Variants in LSAMP observed in about 807,000 individuals in gnomAD.
LSAMP encodes the protein limbic system-associated membrane protein.
Under a neutral mutation model 38.6 loss-of-function variants are expected in LSAMP, and 7 were observed. The ratio of observed to expected loss-of-function variants is 0.18; its 90% CI spans 0.10 to 0.34. LSAMP has a LOEUF of 0.34. Ranked by LOEUF, LSAMP falls within the 10% of genes least tolerant of loss-of-function variation. The probability of loss-of-function intolerance (pLI) is 1.00; values close to 1 mark genes in which losing one functional copy is unlikely to be tolerated. For missense variants in LSAMP, 313 were observed against 420.0 expected, an observed-to-expected ratio of 0.75 and a Z score of 2.23; for synonymous variants, 154 against 166.8, an observed-to-expected ratio of 0.92 and a Z score of 0.59.
At chr3:116,054,257 T>G (rs1941449385) in intron 2 of LSAMP, among the ~76,000 whole-genome samples, 1 of 152,218 alleles carries the variant, frequency 6.6e-6, no homozygotes, top group African/African-American at 2.4e-5. Flanking sequence ...CTGATTCTTT[T>G]AAGGATCCTT....
chr3:115,835,545 T>G (rs769855758), intron 6 of LSAMP, among the ~76,000 whole-genome samples: 1 of 152,152 alleles, frequency 6.6e-6, no homozygotes, highest in Non-Finnish European at 1.5e-5. Context: ...TAGCACACAC[T>G]TTTCTATGTT....
At position 115,809,997 on chromosome 3, in the gene LSAMP, T is replaced by G. The variant is rs1186436271; in HGVS notation, c.*320A>C. The G allele has an allele frequency of 1.9e-5, 4 of 208,494 alleles. No homozygotes were observed. Among genetic ancestry groups the G allele is most frequent in the Non-Finnish European group, 3.8e-5 (4 of 106,090 alleles). The allele number at this position is 208,494 out of a possible 1,614,324, so 12.9% of individuals were successfully genotyped here. A position where few individuals can be genotyped will look rare whatever the true frequency, so the allele number is the denominator to read the frequency against. On this transcript the variant is annotated 3_prime_UTR_variant, in exon 7 of 7. Coordinates refer to ENST00000490035, the MANE Select transcript of LSAMP (RefSeq NM_002338.5). ...AATATCCATCTGGTTCTTCTCTTAT[T>G]TTTACAGCATCCAGATGTCCTTAGT...
intron 2 of LSAMP, among the ~76,000 whole-genome samples, chr3:116,038,004 G>A (rs12493811): frequency 6.6e-6 from 1 of 152,040 alleles, no homozygotes; most frequent in Admixed American, 6.6e-5. Flanking sequence ...TAGAATAAAA[G>A]ATATGAGTGT....
intron 1 of LSAMP, among the ~76,000 whole-genome samples, chr3:116,409,845 A>G (rs1021578780): frequency 1.3e-5 from 2 of 152,112 alleles, no homozygotes; most frequent in East Asian, 1.9e-4. Flanking sequence ...GAATTGAAGA[A>G]GAAAGATGCT....
intron 1 of LSAMP, among the ~76,000 whole-genome samples, chr3:116,177,684 A>AG (rs1254563864): frequency 2.0e-5 from 3 of 152,204 alleles, no homozygotes; most frequent in Non-Finnish European, 2.9e-5. Context: ...TAGTTTCATG[A>AG]GAAAAAAAGT....
At chr3:116,182,707 G>GT (rs544248605) in intron 1 of LSAMP, among the ~76,000 whole-genome samples, 2 of 151,870 alleles carry the variant, frequency 1.3e-5, no homozygotes, top group African/African-American at 2.4e-5. Context: ...TTGCTTGCTT[G>GT]TTTTTTTGGT....
intron 3 of LSAMP, among the ~76,000 whole-genome samples, chr3:116,016,419 C>T (rs1365158718): frequency 2.0e-5 from 3 of 152,122 alleles, no homozygotes; most frequent in Non-Finnish European, 4.4e-5. Flanking sequence ...AGAATCTGAC[C>T]TACAAAGTGG....
intron 1 of LSAMP, among the ~76,000 whole-genome samples, chr3:116,169,314 A>G (rs545604638): frequency 5.9e-5 from 9 of 152,330 alleles, no homozygotes; most frequent in South Asian, 2.1e-4. Flanking sequence ...CTTTTCTCCC[A>G]AAATGGCTGT....
chr3:116,290,267 A>G (rs1293428490), intron 1 of LSAMP, among the ~76,000 whole-genome samples: 1 of 152,174 alleles, frequency 6.6e-6, no homozygotes, highest in Non-Finnish European at 1.5e-5. Flanking sequence ...GTTTCTTTCA[A>G]TGTCATGTCC....
At chr3:116,183,265 T>G (rs920225169) in intron 1 of LSAMP, among the ~76,000 whole-genome samples, 2 of 151,886 alleles carry the variant, frequency 1.3e-5, no homozygotes, top group African/African-American at 4.8e-5. Flanking sequence ...AGCATGGCTA[T>G]GCACACTTTT....
At chr3:115,859,615 T>C (rs1416421910) in intron 3 of LSAMP, among the ~76,000 whole-genome samples, 4 of 152,186 alleles carry the variant, frequency 2.6e-5, no homozygotes, top group Non-Finnish European at 4.4e-5. Flanking sequence ...ATGTAGTTAG[T>C]ACCCAGAAAC....
intron 1 of LSAMP, among the ~76,000 whole-genome samples, chr3:116,341,133 A>T (rs1378815922): frequency 2.6e-5 from 4 of 152,046 alleles, no homozygotes; most frequent in African/African-American, 9.7e-5. Context: ...TAATGCATAG[A>T]TAAAATGGAG....
rs1322422493 is a variant in LSAMP at position 116,445,268 on chromosome 3, A to G, written c.-237T>C. The G allele has an allele frequency of 8.5e-6, 5 of 589,102 alleles. No individual in the cohort carries two copies. The highest frequency in any genetic ancestry group is 6.2e-5 in the Admixed American group (2 of 32,312). The allele number at this position is 589,102 out of a possible 1,614,324, so 36.5% of individuals were successfully genotyped here. ...AAGGGTGAAAAGTAAAAGCAACACA[A>G]TTTCAAAAGAGAGAGTGCAAATAGC... On this transcript the variant is annotated 5_prime_UTR_variant, in exon 1 of 7. Coordinates refer to ENST00000490035, the MANE Select transcript of LSAMP (RefSeq NM_002338.5).
At chr3:116,277,162 A>G (rs193139432) in intron 1 of LSAMP, among the ~76,000 whole-genome samples, 2 of 152,336 alleles carry the variant, frequency 1.3e-5, no homozygotes, top group East Asian at 3.9e-4. Flanking sequence ...CTCTGTAAAA[A>G]TAAATTAATT....
chr3:115,924,573 C>T (rs1300000404), intron 3 of LSAMP, among the ~76,000 whole-genome samples: 2 of 152,098 alleles, frequency 1.3e-5, no homozygotes, highest in South Asian at 2.1e-4. Flanking sequence ...AAGACATTGC[C>T]TCATTATATG....
intron 6 of LSAMP, among the ~76,000 whole-genome samples, chr3:115,837,602 G>A (rs1324933873): frequency 6.6e-6 from 1 of 152,086 alleles, no homozygotes; most frequent in Admixed American, 6.5e-5. Context: ...CAGTGCCCTT[G>A]GGTGGGAAGG....
At chr3:116,416,554 C>T (rs560069038) in intron 1 of LSAMP, among the ~76,000 whole-genome samples, 1 of 152,186 alleles carries the variant, frequency 6.6e-6, no homozygotes. Flanking sequence ...AGGTGACAAA[C>T]TACCTCAAAA....
At chr3:116,134,492 T>G (rs1294841972) in intron 1 of LSAMP, among the ~76,000 whole-genome samples, 1 of 152,232 alleles carries the variant, frequency 6.6e-6, no homozygotes. Flanking sequence ...TACATGACCT[T>G]GCCTTTAAGT....
At position 116,209,251 on chromosome 3, in the gene LSAMP, C is replaced by A. The variant is rs13079362; in HGVS notation, c.156-122695G>T. On this transcript the variant is annotated intron_variant, in intron 1 of 6. Transcript: ENST00000490035. ...CCAAGTGAGGCAATGCCTCGCCCTGCTTTGGCTCGCGCACGGTGCGCGCAC... is the reference window on the plus strand; with the variant it reads ...CCAAGTGAGGCAATGCCTCGCCCTGATTTGGCTCGCGCACGGTGCGCGCAC... Among the ~76,000 whole-genome samples, 806 of 152,338 alleles carry A rather than the reference C, an allele frequency of 5.3e-3. 6 individuals are homozygous for A. Among genetic ancestry groups the A allele is most frequent in the South Asian group, 0.011 (53 of 4,834 alleles).
Sources: gnomAD v4.1 joint callset for allele counts (sites outside exome capture counted in the v4.1 genomes callset) on GRCh38, gnomAD v4.1.1 for gene constraint, MANE v1.5 for transcripts, NCBI Gene and HGNC (gene_info 2026-07-23, HGNC 2026-07-21) for gene names.